KBTBD4: variants seen among roughly 807,000 people sequenced by gnomAD.
KBTBD4 encodes the protein kelch repeat and BTB domain containing 4, also known as kelch repeat and BTB domain-containing protein 4.
In KBTBD4, 30 loss-of-function variants were observed where a neutral mutation model predicts 43.9. The ratio of observed to expected loss-of-function variants is 0.68; its 90% CI spans 0.51 to 0.93. The LOEUF (loss-of-function observed/expected upper bound fraction) is 0.93. Ranked by LOEUF, KBTBD4 falls within the 40% of genes least tolerant of loss-of-function variation. The pLI, the probability that KBTBD4 is intolerant of heterozygous loss-of-function variation, is 0.00. For synonymous variants in KBTBD4, 258 were observed against 256.9 expected, an observed-to-expected ratio of 1.00 and a Z score of -0.04; for missense variants, 575 against 668.8, an observed-to-expected ratio of 0.86 and a Z score of 1.55.
In KBTBD4 at chr11:47,575,575, T is replaced by C; in HGVS notation, c.744+18A>G. The C allele has an allele frequency of 6.6e-7, 1 of 1,512,522 alleles. No homozygotes were observed. The highest frequency in any genetic ancestry group is 9.2e-7 in the Non-Finnish European group (1 of 1,088,684). 93.7% of individuals were successfully genotyped at this position (1,512,522 alleles called of 1,614,324 possible). ...CATGGAGAGTATGCAGTCTCAACAA[T>C]TAAGAGATTTGCCTTACCTTCAAGC... On this transcript the variant is annotated intron_variant, in intron 3 of 3. Coordinates refer to ENST00000430070, the MANE Select transcript of KBTBD4 (RefSeq NM_018095.6).
At chr11:47,575,942 A>G (rs1707385003) in intron 2 of KBTBD4, among the ~76,000 whole-genome samples, 1 of 151,010 alleles carries the variant, frequency 6.6e-6, no homozygotes, top group Non-Finnish European at 1.5e-5. Flanking sequence ...CATAGCCTCA[A>G]CCTCCTGGGC....
Position 47,572,866 on chromosome 11 carries a change from G to A in KBTBD4, c.*64C>T, listed in dbSNP as rs1426773316. ...AAACATAACTCTGAATTGGGGCCCAGGGGACTTTGAGTTTGTATGGGGAGG... is the reference window on the plus strand; with the variant it reads ...AAACATAACTCTGAATTGGGGCCCAAGGGACTTTGAGTTTGTATGGGGAGG... On this transcript the variant is annotated 3_prime_UTR_variant, in exon 4 of 4. Transcript: ENST00000430070. 1.3e-6 allele frequency: 2 copies of A among 1,533,232 alleles called. No homozygotes were observed. The highest frequency in any genetic ancestry group is 2.3e-5 in the East Asian group (1 of 44,258). 95.0% of individuals were successfully genotyped at this position (1,533,232 alleles called of 1,614,324 possible).
rs1453102045 is a variant in KBTBD4 at position 47,572,952 on chromosome 11, T to C, written c.1583A>G (p.Asn528Ser). ...VTRGIKVLLT[N>S]LQFVLA The stretch of plus-strand genomic sequence containing the variant: ...GCCTTAGGCCAACACAAACTGCAAA[T>C]TGGTAAGCAGCACCTTAATACCTCT... The change falls in exon 4 of 4, where the codon AAT becomes AGT. Residue 528 changes from asparagine (N) to serine (S), a missense_variant. Asn to Ser is a conservative substitution (Grantham distance 46). Coordinates refer to ENST00000430070, the MANE Select transcript of KBTBD4 (RefSeq NM_018095.6). 5.6e-6 allele frequency: 9 copies of C among 1,613,752 alleles called. No individual in the cohort carries two copies. Among genetic ancestry groups the C allele is most frequent in the Admixed American group, 1.7e-5 (1 of 59,986 alleles).
Position 47,573,244 on chromosome 11 carries a change from A to AG in KBTBD4, c.1290dup (p.Tyr431LeufsTer15). ...ATGCGGCCTGCAAAGGGCAGCACAT[A>AG]GGGCTTCACATGGCATTTGTCTGTC... On this transcript the variant is annotated frameshift_variant, in exon 4 of 4. Transcript: ENST00000430070. LOFTEE classifies it high-confidence loss of function. This position sits in a 1 kb window ranked among gnomAD's most constrained non-coding sequence, Gnocchi z 4.1. The AG allele has an allele frequency of 6.2e-7, 1 of 1,614,148 alleles. No individual in the cohort carries two copies. The highest frequency in any genetic ancestry group is 8.5e-7 in the Non-Finnish European group (1 of 1,180,026).
chr11:47,573,299 A>G lies in KBTBD4; in HGVS notation c.1236T>C (p.Pro412=). Residue 412 remains proline (P), a synonymous_variant, in exon 4 of 4, where the codon CCT becomes CCC. Transcript: ENST00000430070. This position sits in a 1 kb window ranked among gnomAD's most constrained non-coding sequence, Gnocchi z 4.1. ...TGTCAAAGCACTGGATGAGTCGGGAAGGTTTGGTAAAGAAGTCCAGATCAT... is the reference window on the plus strand; with the variant it reads ...TGTCAAAGCACTGGATGAGTCGGGAGGGTTTGGTAAAGAAGTCCAGATCAT... The part of the protein sequence containing the change: ...EENDLDFFTK[P]SRLIQCFDTE... 1 of 1,614,198 alleles carries G rather than the reference A, an allele frequency of 6.2e-7. No individual in the cohort carries two copies. The highest frequency in any genetic ancestry group is 8.5e-7 in the Non-Finnish European group (1 of 1,180,024).
intron 3 of KBTBD4, 159 bp downstream of exon 3, chr11:47,575,434 G>A (rs1176129907): frequency 1.1e-5 from 6 of 529,614 alleles, no homozygotes; most frequent in African/African-American, 2.0e-5. Context: ...GTGAACCCGG[G>A]AGGCGGAGCT....
chr11:47,574,800 G>C (rs544776648), intron 3 of KBTBD4, among the ~76,000 whole-genome samples: 1 of 152,084 alleles, frequency 6.6e-6, no homozygotes, highest in Non-Finnish European at 1.5e-5. Flanking sequence ...GTTGCAGTGA[G>C]CCGAGATCGC....
At position 47,573,917 on chromosome 11, in the gene KBTBD4, T is replaced by C. The variant is rs1469334739; in HGVS notation, c.745-127A>G. 2.3e-6 allele frequency: 2 copies of C among 851,902 alleles called. No individual in the cohort carries two copies. Among genetic ancestry groups the C allele is most frequent in the Admixed American group, 2.6e-5 (1 of 38,944 alleles). The allele number at this position is 851,902 out of a possible 1,614,324, so 52.8% of individuals were successfully genotyped here. ...CTTTATCATACTACTCTCTAATTAC[T>C]GTATGGCATCCAACTCTCCTCTAGT... is the stretch of plus-strand genomic sequence containing the variant. On this transcript the variant is annotated intron_variant, in intron 3 of 3. Coordinates refer to ENST00000430070, the MANE Select transcript of KBTBD4 (RefSeq NM_018095.6). This position sits in a 1 kb window ranked among gnomAD's most constrained non-coding sequence, Gnocchi z 4.1.
chr11:47,574,610 T>A (rs1351424537), intron 3 of KBTBD4, among the ~76,000 whole-genome samples: 1 of 150,730 alleles, frequency 6.6e-6, no homozygotes, highest in Non-Finnish European at 1.5e-5. Flanking sequence ...ATCCCAAGAC[T>A]CTGGGAGGCC....
intron 1 of KBTBD4, 103 bp downstream of exon 1, chr11:47,578,830 G>A: frequency 7.2e-7 from 1 of 1,384,074 alleles, no homozygotes; most frequent in Non-Finnish European, 9.8e-7. Flanking sequence ...CCTCTCACCC[G>A]CCTGGTTCTT....
chr11:47,575,363 C>T (rs972100618), intron 3 of KBTBD4, among the ~76,000 whole-genome samples: 2 of 151,246 alleles, frequency 1.3e-5, no homozygotes, highest in South Asian at 2.1e-4. Flanking sequence ...AAAAATTAGC[C>T]GGGCGTGGTG....
chr11:47,578,963 G>C lies in KBTBD4; in HGVS notation c.-12C>G, dbSNP rs1288262943. ...TTCCCTCCTTTCATCCCGGAGCCCG[G>C]AACCTCCGCTTCCGGCTCCACGTCC... On this transcript the variant is annotated 5_prime_UTR_variant, in exon 1 of 4. Transcript: ENST00000430070. The C allele has an allele frequency of 1.3e-6, 2 of 1,551,552 alleles. No individual in the cohort carries two copies. The highest frequency in any genetic ancestry group is 1.7e-6 in the Non-Finnish European group (2 of 1,147,022).
Position 47,577,782 on chromosome 11 carries a change from A to G in KBTBD4, c.266T>C (p.Met89Thr), listed in dbSNP as rs1307952547. ...GGCCTCCTTCAGGTTGGAAGTGAAC[A>G]TGGATCGGAAGAAGCAGCTCTGAGC... ...LSAQSCFFRS[M>T]FTSNLKEAHN... The change falls in exon 2 of 4, where the codon ATG (methionine) becomes ACG (threonine). Residue 89 changes from methionine to threonine, a missense_variant. Physicochemically the swap from Met to Thr is moderately conservative, Grantham distance 81. Transcript: ENST00000430070. 2 of 1,614,178 alleles carry G rather than the reference A, an allele frequency of 1.2e-6. No individual in the cohort carries two copies. The highest frequency in any genetic ancestry group is 1.7e-6 in the Non-Finnish European group (2 of 1,180,024).
chr11:47,575,549 G>T, intron 3 of KBTBD4, 44 bp downstream of exon 3: 2 of 1,188,336 alleles, frequency 1.7e-6, no homozygotes, highest in Non-Finnish European at 2.5e-6. Flanking sequence ...TGGCAAGAAT[G>T]CATGGAGAGT....
chr11:47,574,017 T>A (rs903776518), intron 3 of KBTBD4, among the ~76,000 whole-genome samples: 1 of 152,168 alleles, frequency 6.6e-6, no homozygotes, highest in African/African-American at 2.4e-5. Context: ...AAAACTCTCA[T>A]AAGCTAGTGC....
intron 2 of KBTBD4, among the ~76,000 whole-genome samples, chr11:47,575,944 C>G (rs1284313841): frequency 6.6e-6 from 1 of 151,564 alleles, no homozygotes; most frequent in Non-Finnish European, 1.5e-5. Flanking sequence ...TAGCCTCAAC[C>G]TCCTGGGCTC....
intron 1 of KBTBD4, chr11:47,578,671 T>C (rs565960362): frequency 2.0e-6 from 2 of 994,492 alleles, no homozygotes; most frequent in South Asian, 1.4e-5. Flanking sequence ...CCCTGTGCAA[T>C]GTCCCCGCTC....
At position 47,577,546 on chromosome 11, in the gene KBTBD4, A is replaced by T; in HGVS notation, c.502T>A (p.Trp168Arg). The T allele has an allele frequency of 6.2e-7, 1 of 1,614,204 alleles. No individual in the cohort carries two copies. Among genetic ancestry groups the T allele is most frequent in the Non-Finnish European group, 8.5e-7 (1 of 1,180,030 alleles). ...VQVGNCLQVM[W>R]LADRHSDPEL... ...GGATCACTGTGCCGATCTGCCAGCC[A>T]CATCACCTGAAGGCAGTTTCCCACT... The change falls in exon 2 of 4, where the codon TGG becomes AGG. Residue 168 changes from tryptophan to arginine, a missense_variant. Transcript: ENST00000430070.
chr11:47,578,780 G>A (rs2097265342), intron 1 of KBTBD4, 153 bp downstream of exon 1: 3 of 1,526,334 alleles, frequency 2.0e-6, no homozygotes, highest in South Asian at 1.2e-5. Context: ...GCGGGGGAGG[G>A]GTGTGTAGCG....
Sources: allele counts gnomAD v4.1 joint callset (sites outside exome capture counted in the v4.1 genomes callset), GRCh38; gene constraint gnomAD v4.1.1; non-coding constraint Gnocchi (gnomAD v3.1); transcripts MANE v1.5; gene names NCBI Gene and HGNC (gene_info 2026-07-23, HGNC 2026-07-21).